Variants in CCDC102B observed in about 807,000 individuals in gnomAD.
CCDC102B encodes the protein coiled-coil domain containing 102B.
CCDC102B carries 75 observed loss-of-function variants against 57.4 expected under a neutral mutation model. That is an observed-to-expected ratio of 1.31 (90% CI 1.08 to 1.58). The LOEUF is 1.58. CCDC102B is among the 40% of genes most tolerant of loss of function. The pLI is 0.00. For synonymous variants in CCDC102B, 206 were observed against 201.9 expected (o/e 1.02, Z -0.17); for missense variants, 636 against 582.6 (o/e 1.09, Z -0.94).
At chr18:69,024,337 T>C (rs1451123790) in intron 7 of CCDC102B, among the ~76,000 whole-genome samples, 1 of 152,074 alleles carries the variant, frequency 6.6e-6, no homozygotes, top group African/African-American at 2.4e-5. Context: ...AATGATTACT[T>C]ATATTTCAAC....
chr18:69,011,785 T>C (rs1385191319), intron 7 of CCDC102B, among the ~76,000 whole-genome samples: 1 of 152,134 alleles, frequency 6.6e-6, no homozygotes, highest in African/African-American at 2.4e-5. Context: ...TTCCTGCTCC[T>C]GTTGGACAAC....
At chr18:68,947,116 G>A (rs886654433) in intron 6 of CCDC102B, among the ~76,000 whole-genome samples, 2 of 151,940 alleles carry the variant, frequency 1.3e-5, no homozygotes, top group African/African-American at 4.8e-5. Flanking sequence ...AAGTATGGGT[G>A]TGACATTTTT....
chr18:68,862,103 T>C (rs2038787169), intron 4 of CCDC102B, among the ~76,000 whole-genome samples: 1 of 152,210 alleles, frequency 6.6e-6, no homozygotes, highest in African/African-American at 2.4e-5. Flanking sequence ...CCTTATTAGA[T>C]ATTTTATTTT....
chr18:68,985,383 C>A (rs188913728), intron 6 of CCDC102B, among the ~76,000 whole-genome samples: 1 of 152,102 alleles, frequency 6.6e-6, no homozygotes. Flanking sequence ...CCACTACTCT[C>A]ATAAAACGTA....
intron 6 of CCDC102B, among the ~76,000 whole-genome samples, chr18:69,010,487 G>T (rs2051484276): frequency 6.6e-6 from 1 of 152,022 alleles, no homozygotes; most frequent in South Asian, 2.1e-4. Flanking sequence ...TTCAGATGTG[G>T]CAGGTAACAA....
chr18:68,780,374 G>A (rs985036656), intron 2 of CCDC102B, among the ~76,000 whole-genome samples: 1 of 151,714 alleles, frequency 6.6e-6, no homozygotes, highest in African/African-American at 2.4e-5. Context: ...TTTTAATTTT[G>A]GGGAACTGCC....
chr18:68,768,990 A>G (rs1352052511), intron 2 of CCDC102B, among the ~76,000 whole-genome samples: 1 of 152,132 alleles, frequency 6.6e-6, no homozygotes, highest in Non-Finnish European at 1.5e-5. Context: ...TCGGTGGTTC[A>G]CGCCTGTAAT....
intron 6 of CCDC102B, among the ~76,000 whole-genome samples, chr18:68,982,579 C>T (rs992210786): frequency 2.0e-5 from 3 of 151,932 alleles, no homozygotes; most frequent in Admixed American, 2.0e-4. Context: ...CTGTATAATT[C>T]TCTTTTCCAA....
chr18:68,769,418 A>C (rs2034567951), intron 2 of CCDC102B, among the ~76,000 whole-genome samples: 1 of 152,088 alleles, frequency 6.6e-6, no homozygotes, highest in Non-Finnish European at 1.5e-5. Context: ...AAATAACATC[A>C]TATTGGGGGT....
At chr18:68,717,380 C>T (rs2032085616) in intron 2 of CCDC102B, among the ~76,000 whole-genome samples, 1 of 152,142 alleles carries the variant, frequency 6.6e-6, no homozygotes, top group East Asian at 1.9e-4. Context: ...ATATTTTTTA[C>T]TGATAATATG....
chr18:68,812,677 C>A (rs1214431197), intron 1 of CCDC102B, among the ~76,000 whole-genome samples: 2 of 152,088 alleles, frequency 1.3e-5, no homozygotes, highest in Non-Finnish European at 2.9e-5. Context: ...CAAATCATGA[C>A]CCTAGTTAGT....
At chr18:68,984,417 C>T (rs2050671663) in intron 6 of CCDC102B, among the ~76,000 whole-genome samples, 1 of 152,050 alleles carries the variant, frequency 6.6e-6, no homozygotes, top group African/African-American at 2.4e-5. Context: ...AGTTTCCTAC[C>T]AGAATATGTA....
chr18:68,765,304 GGAAGGAAGGA>G (rs2034394730), intron 2 of CCDC102B, among the ~76,000 whole-genome samples: 2 of 86,842 alleles, frequency 2.3e-5, no homozygotes, highest in South Asian at 8.8e-4. Context: ...AAGGAAGGAA[GGAAGGAAGGA>G]AGGAAGGAAG....
At chr18:68,899,760 C>G (rs1464681437) in intron 6 of CCDC102B, 1 of 152,006 alleles carries the variant, frequency 6.6e-6, no homozygotes, top group African/African-American at 2.4e-5. Context: ...CCTATTAATT[C>G]AAAAAGGTAG....
At chr18:69,018,815 A>G (rs944178643) in intron 7 of CCDC102B, among the ~76,000 whole-genome samples, 1 of 151,880 alleles carries the variant, frequency 6.6e-6, no homozygotes, top group Non-Finnish European at 1.5e-5. Context: ...TGCTTTGGGT[A>G]TCATATTCAA....
At chr18:68,932,379 T>C (rs183520960) in intron 6 of CCDC102B, among the ~76,000 whole-genome samples, 1 of 152,036 alleles carries the variant, frequency 6.6e-6, no homozygotes, top group Admixed American at 6.6e-5. Context: ...ATATAAGTCA[T>C]TTCTAATGGA....
intron 2 of CCDC102B, among the ~76,000 whole-genome samples, chr18:68,735,489 T>G (rs185213810): frequency 6.6e-6 from 1 of 152,268 alleles, no homozygotes; most frequent in East Asian, 1.9e-4. Flanking sequence ...TCTGATATTC[T>G]GATCCTTGCT....
intron 2 of CCDC102B, chr18:68,718,253 AAAC>A (rs2032134558): frequency 6.6e-6 from 1 of 152,250 alleles, no homozygotes; most frequent in Non-Finnish European, 1.5e-5. Flanking sequence ...GTGAAAAGCT[AAAC>A]AACTCGAATG....
chr18:68,755,726 T>C (rs1449500401), intron 2 of CCDC102B, among the ~76,000 whole-genome samples: 1 of 151,758 alleles, frequency 6.6e-6, no homozygotes, highest in Non-Finnish European at 1.5e-5. Flanking sequence ...AAAATATTAA[T>C]TACAAAATTG....
Sources: allele counts gnomAD v4.1 joint callset (sites outside exome capture counted in the v4.1 genomes callset), GRCh38; gene constraint gnomAD v4.1.1; transcripts MANE v1.5; gene names NCBI Gene and HGNC (gene_info 2026-07-23, HGNC 2026-07-21).